INSC: variants seen among roughly 807,000 people sequenced by gnomAD.
INSC encodes INSC spindle orientation adaptor protein, also known as protein inscuteable homolog.
INSC carries 67 observed loss-of-function variants against 58.6 expected under a neutral mutation model. The observed-to-expected ratio is 1.14, with a 90% CI of 0.94 to 1.40. The LOEUF (loss-of-function observed/expected upper bound fraction) is 1.40. Ranked by LOEUF, INSC falls within the 40% of genes most tolerant of loss-of-function variation. The pLI is 0.00. For missense variants in INSC, 714 were observed against 692.0 expected (o/e 1.03, Z -0.36); for synonymous variants, 262 against 276.1 (o/e 0.95, Z 0.51).
chr11:15,188,525 A>G (rs57074763), intron 5 of INSC, among the ~76,000 whole-genome samples: 4,776 of 152,292 alleles, frequency 0.031, 255 homozygotes, highest in African/African-American at 0.11. Context: ...GCTCTGACAC[A>G]TGGTGATATT....
At chr11:15,217,002 A>G (rs1441117048) in intron 7 of INSC, among the ~76,000 whole-genome samples, 1 of 152,226 alleles carries the variant, frequency 6.6e-6, no homozygotes, top group Non-Finnish European at 1.5e-5. Flanking sequence ...AAAACAACCT[A>G]TGAGATTGGT....
chr11:15,111,500 A>T (rs553237925), upstream of INSC, among the ~76,000 whole-genome samples: 60 of 152,154 alleles, frequency 3.9e-4, no homozygotes, highest in Non-Finnish European at 5.7e-4. Flanking sequence ...GTCAGGCTGG[A>T]GGGGACCTTT....
chr11:15,180,694 C>CGGGGGGGGGGTG (rs756237896), intron 5 of INSC, among the ~76,000 whole-genome samples: 1 of 41,822 alleles, frequency 2.4e-5, no homozygotes, highest in Non-Finnish European at 4.5e-5. Flanking sequence ...AGGGGGGGGG[C>CGGGGGGGGGGTG]GGGGGGGGGT....
At chr11:15,140,853 G>A (rs1848354277) in intron 1 of INSC, among the ~76,000 whole-genome samples, 1 of 151,966 alleles carries the variant, frequency 6.6e-6, no homozygotes, top group Non-Finnish European at 1.5e-5. Flanking sequence ...TCAAAGTGCT[G>A]GGATTGCAGG....
intron 7 of INSC, among the ~76,000 whole-genome samples, chr11:15,214,000 G>C (rs1851122864): frequency 6.6e-6 from 1 of 152,162 alleles, no homozygotes; most frequent in Non-Finnish European, 1.5e-5. Flanking sequence ...GACTGTTGCA[G>C]ACGTCATCCT....
At chr11:15,179,578 C>T (rs1199245275) in intron 5 of INSC, among the ~76,000 whole-genome samples, 1 of 152,194 alleles carries the variant, frequency 6.6e-6, no homozygotes, top group Non-Finnish European at 1.5e-5. Context: ...CACAGGCCCC[C>T]ATGTCAGTGC....
rs1437785520 is a variant in INSC at position 15,200,841 on chromosome 11, A to T, written c.711A>T (p.Ala237=). 1 of 1,613,462 alleles carries T rather than the reference A, an allele frequency of 6.2e-7. No homozygotes were observed. Among genetic ancestry groups the T allele is most frequent in the Non-Finnish European group, 8.5e-7 (1 of 1,179,938 alleles). Residue 237 remains alanine (A), a synonymous_variant, in exon 7 of 13, where the codon GCA becomes GCT. Coordinates refer to ENST00000379556, the MANE Select transcript of INSC (RefSeq NM_001042536.3). ...CTTGGCAGGAGGGTGGGGTCGTAGCACTCTTCAAGGTTTGCCGGCAGGACA... is the reference window on the plus strand; with the variant it reads ...CTTGGCAGGAGGGTGGGGTCGTAGCTCTCTTCAAGGTTTGCCGGCAGGACA... ...RIIAKEGGVV[A]LFKVCRQDSF...
chr11:15,125,942 A>C (rs188768847), intron 1 of INSC, among the ~76,000 whole-genome samples: 158 of 152,284 alleles, frequency 1.0e-3, no homozygotes, highest in Non-Finnish European at 1.5e-3. Context: ...TGGGGAGGGC[A>C]AGTCAGTTCT....
chr11:15,251,201 G>A (rs1033593487), downstream of INSC, among the ~76,000 whole-genome samples: 5 of 152,110 alleles, frequency 3.3e-5, no homozygotes, highest in African/African-American at 9.7e-5. Flanking sequence ...CTAGACATCC[G>A]CATGCAAAAG....
chr11:15,205,288 CTA>C (rs1331909762), intron 7 of INSC, among the ~76,000 whole-genome samples: 1 of 152,218 alleles, frequency 6.6e-6, no homozygotes, highest in African/African-American at 2.4e-5. Context: ...CTAATTCACT[CTA>C]TGAATTCCTT....
intron 6 of INSC, among the ~76,000 whole-genome samples, chr11:15,197,407 C>G (rs1351644178): frequency 6.6e-6 from 1 of 152,194 alleles, no homozygotes; most frequent in Non-Finnish European, 1.5e-5. Flanking sequence ...CATAGAATTA[C>G]TGTGTTTGGG....
chr11:15,249,700 A>G (rs962607638), downstream of INSC, among the ~76,000 whole-genome samples: 1 of 152,212 alleles, frequency 6.6e-6, no homozygotes, highest in Non-Finnish European at 1.5e-5. Flanking sequence ...TGTGGCCAGA[A>G]GTGTGCTCCA....
chr11:15,256,564 A>T, the INSC span, among the ~76,000 whole-genome samples: 1 of 149,962 alleles, frequency 6.7e-6, no homozygotes, highest in Non-Finnish European at 1.5e-5. Context: ...ATCTTGGCTC[A>T]CCGCAACCTC....
chr11:15,240,329 G>C (rs2271827), intron 11 of INSC, 118 bp from the exon 12 acceptor site: 547,083 of 799,010 alleles, frequency 0.68, 189,547 homozygotes, highest in East Asian at 0.84. Context: ...CAGACTCCCC[G>C]AGGTGGGTTC....
the INSC span, among the ~76,000 whole-genome samples, chr11:15,252,615 G>A: frequency 0.061 from 9,258 of 152,108 alleles, 352 homozygotes; most frequent in East Asian, 0.1. Flanking sequence ...GAGAGATAGA[G>A]GCCGATAGAA....
chr11:15,253,325 G>A, the INSC span, among the ~76,000 whole-genome samples: 156 of 152,252 alleles, frequency 1.0e-3, 2 homozygotes, highest in Middle Eastern at 0.024. Flanking sequence ...CAAAGAATGA[G>A]GGAATCGAGA....
chr11:15,231,442 A>G (rs923096958), intron 9 of INSC, among the ~76,000 whole-genome samples: 3 of 152,218 alleles, frequency 2.0e-5, no homozygotes, highest in Non-Finnish European at 4.4e-5. Context: ...GTTTTAAGAA[A>G]GTTTACAAAT....
the INSC span, among the ~76,000 whole-genome samples, chr11:15,265,792 A>G: frequency 6.9e-6 from 1 of 144,626 alleles, no homozygotes; most frequent in Non-Finnish European, 1.5e-5. Flanking sequence ...TCGGTATGGT[A>G]GGTATTTTCA....
At chr11:15,215,393 C>T (rs1831938056) in intron 7 of INSC, among the ~76,000 whole-genome samples, 1 of 152,308 alleles carries the variant, frequency 6.6e-6, no homozygotes, top group Non-Finnish European at 1.5e-5. Context: ...GGCAGCTGGC[C>T]TCAGGGTGGG....
Sources: gnomAD v4.1 joint callset for allele counts (sites outside exome capture counted in the v4.1 genomes callset) on GRCh38, gnomAD v4.1.1 for gene constraint, MANE v1.5 for transcripts, NCBI Gene and HGNC (gene_info 2026-07-23, HGNC 2026-07-21) for gene names.